Variants in ZCCHC24 observed in about 807,000 individuals in gnomAD.
ZCCHC24 encodes zinc finger CCHC domain-containing protein 24.
ZCCHC24 carries 10 observed loss-of-function variants against 26.2 expected under a neutral mutation model. That is an observed-to-expected ratio of 0.38 (90% confidence interval 0.24 to 0.65). The LOEUF (loss-of-function observed/expected upper bound fraction) is 0.65. Ranked by LOEUF, ZCCHC24 falls within the 30% of genes least tolerant of loss-of-function variation. The probability of loss-of-function intolerance (pLI) is 0.54; values close to 1 mark genes in which losing one functional copy is unlikely to be tolerated. For missense variants in ZCCHC24, 243 were observed against 329.1 expected (o/e 0.74, Z 2.03); for synonymous variants, 144 against 147.1 (o/e 0.98, Z 0.15).
chr10:79,416,289 C>T (rs1337297773), intron 2 of ZCCHC24, among the ~76,000 whole-genome samples: 6 of 152,152 alleles, frequency 3.9e-5, no homozygotes, highest in African/African-American at 1.2e-4. Context: ...TATTCAAGGT[C>T]GCCCACTTGG....
intron 1 of ZCCHC24, among the ~76,000 whole-genome samples, chr10:79,440,394 A>G (rs1857276825): frequency 6.6e-6 from 1 of 152,002 alleles, no homozygotes; most frequent in African/African-American, 2.4e-5. Flanking sequence ...TAGGAAACCC[A>G]GTACTCATGA....
At chr10:79,437,089 C>T (rs1857226315) in intron 1 of ZCCHC24, among the ~76,000 whole-genome samples, 1 of 152,144 alleles carries the variant, frequency 6.6e-6, no homozygotes, top group African/African-American at 2.4e-5. Flanking sequence ...ACTCTGTCAC[C>T]CAGGCTGGAG....
At chr10:79,426,221 C>T (rs1050095360) in intron 2 of ZCCHC24, among the ~76,000 whole-genome samples, 3 of 152,190 alleles carry the variant, frequency 2.0e-5, no homozygotes, top group Non-Finnish European at 4.4e-5. Context: ...TTTAAGCTTG[C>T]TTTCACTGTT....
intron 2 of ZCCHC24, among the ~76,000 whole-genome samples, chr10:79,407,285 C>T (rs183502920): frequency 6.6e-6 from 1 of 152,314 alleles, no homozygotes; most frequent in East Asian, 1.9e-4. Context: ...GCCAGGCTGA[C>T]TGTTGCACAG....
In ZCCHC24 at chr10:79,445,521, C is replaced by T; in HGVS notation, c.-81G>A. On this transcript the variant is annotated 5_prime_UTR_variant, in exon 1 of 4. Coordinates refer to ENST00000372336, the MANE Select transcript of ZCCHC24 (RefSeq NM_153367.4). ...AGCGGAGGGGCGGGCACCGGGGAGC[C>T]TGTGCCCACTGCCCGCCTCCCGAGC... is the stretch of plus-strand genomic sequence containing the variant. 8.5e-7 allele frequency: 1 copy of T among 1,179,348 alleles called. No individual in the cohort carries two copies. Among genetic ancestry groups the T allele is most frequent in the Non-Finnish European group, 1.1e-6 (1 of 939,084 alleles). The allele number at this position is 1,179,348 out of a possible 1,614,324, so 73.1% of individuals were successfully genotyped here. A position where few individuals can be genotyped will look rare whatever the true frequency, so the allele number is the denominator to read the frequency against.
chr10:79,429,694 C>T (rs1478969106), intron 2 of ZCCHC24, among the ~76,000 whole-genome samples: 4 of 152,194 alleles, frequency 2.6e-5, no homozygotes, highest in Non-Finnish European at 4.4e-5. Context: ...ATACGAAAAT[C>T]ACTGAATTGT....
In ZCCHC24 at chr10:79,412,404, C is replaced by A. The variant is rs533216275; in HGVS notation, c.448-17964G>T. ...TGAGGGGCGGACATGCCCGTGTACA[C>A]CCTCGCCCCTTGGCAGCCCCGCGTA... On this transcript the variant is annotated intron_variant, in intron 2 of 3. Transcript: ENST00000372336. Among the ~76,000 whole-genome samples, 195 of 152,362 alleles carry A rather than the reference C, an allele frequency of 1.3e-3. 1 individual carries two copies. Among genetic ancestry groups the A allele is most frequent in the Non-Finnish European group, 2.4e-3 (160 of 68,038 alleles).
chr10:79,397,360 C>T (rs576526316), intron 2 of ZCCHC24, among the ~76,000 whole-genome samples: 23 of 152,260 alleles, frequency 1.5e-4, no homozygotes, highest in African/African-American at 4.8e-4. Flanking sequence ...AGCTAGGGCC[C>T]GGGGCCAGTC....
At chr10:79,443,459 T>C (rs1248805489) in intron 1 of ZCCHC24, among the ~76,000 whole-genome samples, 5 of 152,118 alleles carry the variant, frequency 3.3e-5, no homozygotes, top group African/African-American at 1.2e-4. Flanking sequence ...GTGGGTCATG[T>C]TCACCCTTCT....
intron 1 of ZCCHC24, among the ~76,000 whole-genome samples, chr10:79,436,429 GC>G (rs1011312808): frequency 2.0e-5 from 3 of 152,174 alleles, no homozygotes; most frequent in African/African-American, 7.2e-5. Flanking sequence ...GGCCATAGAG[GC>G]CCCGACTCCC....
chr10:79,441,079 AACACACACACAC>A (rs55762333), intron 1 of ZCCHC24, among the ~76,000 whole-genome samples: 8 of 135,660 alleles, frequency 5.9e-5, no homozygotes, highest in Admixed American at 1.4e-4. Flanking sequence ...CTGCCCCCTA[AACACACACACAC>A]ACACACACAC....
chr10:79,405,327 A>T (rs1011203934), intron 2 of ZCCHC24, among the ~76,000 whole-genome samples: 1 of 152,198 alleles, frequency 6.6e-6, no homozygotes, highest in South Asian at 2.1e-4. Flanking sequence ...TCTCACTTCT[A>T]TGGTAGCACT....
intron 2 of ZCCHC24, among the ~76,000 whole-genome samples, chr10:79,407,136 C>T (rs12259095): frequency 0.52 from 79,471 of 152,166 alleles, 22,237 homozygotes; most frequent in East Asian, 0.86. Flanking sequence ...ACACACGCCC[C>T]GCAACCTGTG....
intron 2 of ZCCHC24, among the ~76,000 whole-genome samples, chr10:79,409,604 T>C (rs1397495104): frequency 1.3e-5 from 2 of 151,962 alleles, no homozygotes; most frequent in African/African-American, 4.8e-5. Flanking sequence ...GAGAGAAGTA[T>C]CTGGAAGAGA....
Position 79,445,481 on chromosome 10 carries a change from G to T in ZCCHC24, c.-41C>A. The stretch of plus-strand genomic sequence containing the variant: ...CCGGCCCCTCCCCGGCCGCCCGCTC[G>T]CGGCCCCCCTCCGCAGCGGAGGGGC... On this transcript the variant is annotated 5_prime_UTR_variant, in exon 1 of 4. Coordinates refer to ENST00000372336, the MANE Select transcript of ZCCHC24 (RefSeq NM_153367.4). 1 of 1,325,320 alleles carries T rather than the reference G, an allele frequency of 7.5e-7. No individual in the cohort carries two copies. The highest frequency in any genetic ancestry group is 9.7e-7 in the Non-Finnish European group (1 of 1,031,862). 82.1% of individuals were successfully genotyped at this position (1,325,320 alleles called of 1,614,324 possible).
intron 1 of ZCCHC24, among the ~76,000 whole-genome samples, chr10:79,441,199 G>A (rs886741001): frequency 6.6e-6 from 1 of 152,016 alleles, no homozygotes; most frequent in African/African-American, 2.4e-5. Context: ...GCAGAAATGT[G>A]GCTTTGTTCC....
chr10:79,418,530 T>C (rs952018537), intron 2 of ZCCHC24, among the ~76,000 whole-genome samples: 12 of 152,136 alleles, frequency 7.9e-5, no homozygotes, highest in Admixed American at 3.3e-4. Context: ...ACATGGGGCA[T>C]AGAAGGGCAT....
intron 2 of ZCCHC24, among the ~76,000 whole-genome samples, chr10:79,397,103 A>C (rs1374209707): frequency 6.6e-6 from 1 of 152,240 alleles, no homozygotes; most frequent in African/African-American, 2.4e-5. Flanking sequence ...AGCCTGCTAG[A>C]ATTTCAGACA....
intron 2 of ZCCHC24, among the ~76,000 whole-genome samples, chr10:79,428,289 T>G (rs1316675040): frequency 1.3e-5 from 2 of 152,234 alleles, no homozygotes; most frequent in African/African-American, 4.8e-5. Flanking sequence ...GCCATGTGAT[T>G]CCACTTATAT....
Sources: allele counts gnomAD v4.1 joint callset (sites outside exome capture counted in the v4.1 genomes callset), GRCh38; gene constraint gnomAD v4.1.1; transcripts MANE v1.5; gene names NCBI Gene and HGNC (gene_info 2026-07-23, HGNC 2026-07-21).